Variants in EIF2AK1 observed in about 807,000 individuals in gnomAD.
EIF2AK1 encodes eukaryotic translation initiation factor 2-alpha kinase 1.
Under a neutral mutation model 77.9 loss-of-function variants are expected in EIF2AK1, and 54 were observed. That is an observed-to-expected ratio of 0.69 (90% CI 0.56 to 0.87). The LOEUF is 0.87. EIF2AK1 is among the 40% of genes least tolerant of loss of function. The pLI, the probability that EIF2AK1 is intolerant of heterozygous loss-of-function variation, is 0.00. For synonymous variants in EIF2AK1, 314 were observed against 290.5 expected (o/e 1.08, Z -0.82); for missense variants, 810 against 768.6 (o/e 1.05, Z -0.64).
rs1788338836 is a variant in EIF2AK1, at chr7:6,042,943, C to G, written c.781G>C (p.Glu261Gln). 1 of 1,613,982 alleles carries G rather than the reference C, an allele frequency of 6.2e-7. No individual in the cohort carries two copies. Among genetic ancestry groups the G allele is most frequent in the East Asian group, 2.2e-5 (1 of 44,874 alleles). ...TGTAAAAGGACATACCTGTCCTCTT[C>G]CTGGTCGGAGAGCACTTCCAGAGAT... ...LPSLEVLSDQ[E>Q]EDREQCGVKN... The change falls in exon 8 of 15, where the codon GAA (glutamate) becomes CAA (glutamine). Residue 261 changes from glutamate to glutamine, a missense_variant. Glu to Gln is a conservative substitution (Grantham distance 29). Coordinates refer to ENST00000199389, the MANE Select transcript of EIF2AK1 (RefSeq NM_014413.4).
In EIF2AK1 at chr7:6,028,958, G is replaced by C. The variant is rs756454757; in HGVS notation, c.1407C>G (p.Ile469Met). Reference sequence around the variant, plus strand: ...TGGTCCAGTCTGTGTTCTTCTGTAGGATGTCTGTGCAGGCCAGACCAAAGT... The same window carrying C: ...TGGTCCAGTCTGTGTTCTTCTGTAGCATGTCTGTGCAGGCCAGACCAAAGT... Reference protein sequence around the residue: ...IGDFGLACTDILQKNTDWTNR... With the variant: ...IGDFGLACTDMLQKNTDWTNR... The change falls in exon 12 of 15, where the codon ATC becomes ATG. Residue 469 changes from isoleucine (I) to methionine (M), a missense_variant. Ile to Met is a conservative substitution (Grantham distance 10). Transcript: ENST00000199389. 6.2e-7 allele frequency: 1 copy of C among 1,610,766 alleles called. No individual in the cohort carries two copies.
intron 1 of EIF2AK1, among the ~76,000 whole-genome samples, chr7:6,056,237 G>A (rs549744086): frequency 4.9e-4 from 70 of 142,602 alleles, no homozygotes; most frequent in African/African-American, 1.8e-3. Context: ...AGGTTGCAGT[G>A]AGCCGAGATC....
chr7:6,046,855 T>C lies in EIF2AK1; in HGVS notation c.549+137A>G, dbSNP rs1020144025. The stretch of plus-strand genomic sequence containing the variant: ...AGTCAGAGGTTGCAGTGAGCTGAGA[T>C]TGCGCCGCGCACTCCAGCCTGGCGA... On this transcript the variant is annotated intron_variant, in intron 5 of 14. Coordinates refer to ENST00000199389, the MANE Select transcript of EIF2AK1 (RefSeq NM_014413.4). The C allele has an allele frequency of 2.1e-5, 15 of 715,052 alleles. No homozygotes were observed. In the Admixed American group the frequency reaches 3.7e-4, roughly 18 times the overall value. 44.3% of individuals were successfully genotyped at this position (715,052 alleles called of 1,614,324 possible). A position where few individuals can be genotyped will look rare whatever the true frequency, so the allele number is the denominator to read the frequency against.
At chr7:6,055,938 G>A (rs1198589864) in intron 1 of EIF2AK1, among the ~76,000 whole-genome samples, 2 of 134,134 alleles carry the variant, frequency 1.5e-5, no homozygotes, top group Non-Finnish European at 3.1e-5. Flanking sequence ...AGCTGAGATC[G>A]TGCCATTGCA....
At chr7:6,028,831 A>G in intron 12 of EIF2AK1, 87 bp downstream of exon 12, 1 of 1,430,710 alleles carries the variant, frequency 7.0e-7, no homozygotes, top group Non-Finnish European at 9.7e-7. Context: ...CTTTGCTATT[A>G]AATCTTTATG....
At position 6,043,012 on chromosome 7, in the gene EIF2AK1, C is replaced by G. The variant is rs373392401; in HGVS notation, c.731-19G>C. On this transcript the variant is annotated intron_variant, in intron 7 of 14. Transcript: ENST00000199389. Reference sequence around the variant, plus strand: ...CTGTCTGCTGAATGAAAACAAACAACAATCATCTTCAAACAGCCCAGTTTT... The same window carrying G: ...CTGTCTGCTGAATGAAAACAAACAAGAATCATCTTCAAACAGCCCAGTTTT... The G allele has an allele frequency of 6.2e-7, 1 of 1,613,078 alleles. No individual in the cohort carries two copies. Among genetic ancestry groups the G allele is most frequent in the Non-Finnish European group, 8.5e-7 (1 of 1,179,370 alleles).
In EIF2AK1 at chr7:6,033,331, A is replaced by C. The variant is rs1001190267; in HGVS notation, c.1332+4093T>G. On this transcript the variant is annotated intron_variant, in intron 11 of 14. Coordinates refer to ENST00000199389, the MANE Select transcript of EIF2AK1 (RefSeq NM_014413.4). This position sits in a 1 kb window ranked among gnomAD's most constrained non-coding sequence, Gnocchi z 4.4. ...TATAGATTTTTTTTTCAGTTCATAC[A>C]TTTTTTCCACTTATGTTTGGACTTG... Among the ~76,000 whole-genome samples the C allele has an allele frequency of 1.3e-5, 2 of 151,944 alleles. No individual in the cohort carries two copies. Among genetic ancestry groups the C allele is most frequent in the Non-Finnish European group, 2.9e-5 (2 of 67,978 alleles).
chr7:6,038,768 G>T (rs1260638142), intron 9 of EIF2AK1, 97 bp from the exon 10 acceptor site: 4 of 1,018,116 alleles, frequency 3.9e-6, no homozygotes, highest in Admixed American at 2.5e-5. Context: ...TGGGCCAAGA[G>T]AGTAGGCCTC....
At chr7:6,043,303 C>A (rs1788348521) in intron 7 of EIF2AK1, among the ~76,000 whole-genome samples, 1 of 151,730 alleles carries the variant, frequency 6.6e-6, no homozygotes, top group African/African-American at 2.4e-5. Flanking sequence ...AGCCATAGGC[C>A]CAGTGGCTCA....
In EIF2AK1 at chr7:6,040,911, T is replaced by G; in HGVS notation, c.1100A>C (p.Asn367Thr). 6.2e-7 allele frequency: 1 copy of G among 1,614,054 alleles called. No individual in the cohort carries two copies. The highest frequency in any genetic ancestry group is 8.5e-7 in the Non-Finnish European group (1 of 1,179,978). ...STEESSEENV[N>T]FLGQTEAQYH... The stretch of plus-strand genomic sequence containing the variant: ...ATCTACCTCTGTCTGACCCAAAAAG[T>G]TGACATTTTCTTCGGAAGATTCTTC... Residue 367 changes from asparagine (N) to threonine (T), a missense_variant, in exon 9 of 15, where the codon AAC becomes ACC. Around this residue, in one of 3 missense-constraint regions of EIF2AK1, gnomAD observed 549 missense variants for 533.7 expected, o/e 1.03. Coordinates refer to ENST00000199389, the MANE Select transcript of EIF2AK1 (RefSeq NM_014413.4).
Position 6,024,598 on chromosome 7 carries a change from C to T in EIF2AK1, c.*75G>A. The T allele has an allele frequency of 6.3e-7, 1 of 1,599,584 alleles. No individual in the cohort carries two copies. The highest frequency in any genetic ancestry group is 8.5e-7 in the Non-Finnish European group (1 of 1,175,570). On this transcript the variant is annotated 3_prime_UTR_variant, in exon 15 of 15. Coordinates refer to ENST00000199389, the MANE Select transcript of EIF2AK1 (RefSeq NM_014413.4). ...TAAAGGCTTACTAAATACAACGAAGCATTGTACCAACTATACCCTAATAAA... is the reference window on the plus strand; with the variant it reads ...TAAAGGCTTACTAAATACAACGAAGTATTGTACCAACTATACCCTAATAAA...
chr7:6,058,246 C>CAA lies in EIF2AK1; in HGVS notation c.118+718_118+719dup, dbSNP rs749705392. The CAA allele has an allele frequency of 1.1e-3, 354 of 335,982 alleles. 1 individual carries two copies. Among genetic ancestry groups the CAA allele is most frequent in the African/African-American group, 1.3e-3 (53 of 42,380 alleles). 20.8% of individuals were successfully genotyped at this position (335,982 alleles called of 1,614,324 possible). On this transcript the variant is annotated intron_variant, in intron 1 of 14. Transcript: ENST00000199389. ...GAAACACAGCAAGACCACATCTCTG[C>CAA]AAAAAAAAAAAAATTAAAAAATTAG...
chr7:6,051,747 C>G lies in EIF2AK1; in HGVS notation c.278-1702G>C, dbSNP rs538912759. ...CCCACCAAGGATATTCTTTCTGCAT[C>G]AAAAACTCTACAGTTATGAAAGCCA... On this transcript the variant is annotated intron_variant, in intron 2 of 14. Coordinates refer to ENST00000199389, the MANE Select transcript of EIF2AK1 (RefSeq NM_014413.4). 1.5e-4 allele frequency among the ~76,000 whole-genome samples: 23 copies of G among 151,468 alleles called. No individual in the cohort carries two copies. In the Middle Eastern group the frequency reaches 0.014, roughly 90 times the overall value.
Position 6,059,165 on chromosome 7 carries a change from G to C in EIF2AK1, c.-82C>G, listed in dbSNP as rs138637023. On this transcript the variant is annotated 5_prime_UTR_variant, in exon 1 of 15. Transcript: ENST00000199389. ...TCCGATGCTGCAGCTAGCGCCGTCC[G>C]ACCCGGAAGTAACCCCTCACCAGAC... 16,701 of 952,040 alleles carry C rather than the reference G, an allele frequency of 0.018. 197 individuals are homozygous for C. The highest frequency in any genetic ancestry group is 0.049 in the Middle Eastern group (140 of 2,860). The allele number at this position is 952,040 out of a possible 1,614,324, so 59.0% of individuals were successfully genotyped here. A position where few individuals can be genotyped will look rare whatever the true frequency, so the allele number is the denominator to read the frequency against.
At chr7:6,040,061 C>A (rs1045012438) in intron 9 of EIF2AK1, among the ~76,000 whole-genome samples, 2 of 152,050 alleles carry the variant, frequency 1.3e-5, no homozygotes, top group African/African-American at 2.4e-5. Context: ...TAGACCCTGA[C>A]AATTTTCATG....
intron 6 of EIF2AK1, among the ~76,000 whole-genome samples, chr7:6,045,259 C>A (rs1788413651): frequency 6.6e-6 from 1 of 152,004 alleles, no homozygotes. Context: ...GCATGCACTA[C>A]CACACCCAGC....
Position 6,059,103 on chromosome 7 carries a change from G to T in EIF2AK1, c.-20C>A, listed in dbSNP as rs929555104. ...CTGCATCGCCGGCCGCGCGCGGGCC[G>T]CAGCCCAGCCCGCCGGCCAGCCCAG... On this transcript the variant is annotated 5_prime_UTR_variant, in exon 1 of 15. Transcript: ENST00000199389. 5 of 1,357,676 alleles carry T rather than the reference G, an allele frequency of 3.7e-6. No individual in the cohort carries two copies. Among genetic ancestry groups the T allele is most frequent in the Non-Finnish European group, 3.8e-6 (4 of 1,057,940 alleles). The allele number at this position is 1,357,676 out of a possible 1,614,324, so 84.1% of individuals were successfully genotyped here.
At chr7:6,043,245 C>T (rs1788347148) in intron 7 of EIF2AK1, among the ~76,000 whole-genome samples, 1 of 152,036 alleles carries the variant, frequency 6.6e-6, no homozygotes, top group African/African-American at 2.4e-5. Flanking sequence ...GTTTTAGGGC[C>T]CTCTGGGACT....
At chr7:6,037,790 G>A (rs1457540389) in intron 10 of EIF2AK1, among the ~76,000 whole-genome samples, 4 of 151,628 alleles carry the variant, frequency 2.6e-5, no homozygotes, top group Non-Finnish European at 5.9e-5. Flanking sequence ...TTCAATCACA[G>A]CCCTCCCCTG....
Sources: allele counts gnomAD v4.1 joint callset (sites outside exome capture counted in the v4.1 genomes callset), GRCh38; gene constraint gnomAD v4.1.1; regional missense constraint gnomAD v4.1.1; non-coding constraint Gnocchi (gnomAD v3.1); transcripts MANE v1.5; gene names NCBI Gene and HGNC (gene_info 2026-07-23, HGNC 2026-07-21).